RBFOX1: variants seen among roughly 807,000 people sequenced by gnomAD.
RBFOX1 encodes the protein RNA binding protein fox-1 homolog 1.
Under a neutral mutation model 57.7 loss-of-function variants are expected in RBFOX1, and 8 were observed. The ratio of observed to expected loss-of-function variants is 0.14; its 90% confidence interval spans 0.08 to 0.25. RBFOX1 has a LOEUF of 0.25. RBFOX1 is among the 10% of genes least tolerant of loss of function. The pLI, the probability that RBFOX1 is intolerant of heterozygous loss-of-function variation, is 1.00. For synonymous variants in RBFOX1, 326 were observed against 222.4 expected (o/e 1.47, Z -4.15); for missense variants, 611 against 548.5 (o/e 1.11, Z -1.14).
chr16:6,993,902 C>T (rs997452836), intron 3 of RBFOX1, among the ~76,000 whole-genome samples: 1 of 152,120 alleles, frequency 6.6e-6, no homozygotes, highest in Admixed American at 6.6e-5. Context: ...TAATGTATCT[C>T]ATATTGTATT....
At chr16:7,517,816 G>C (rs1053669973) in intron 4 of RBFOX1, among the ~76,000 whole-genome samples, 2 of 132,196 alleles carry the variant, frequency 1.5e-5, no homozygotes, top group Non-Finnish European at 3.1e-5. Context: ...AAATAAAAAG[G>C]ATCTGCCAAA....
chr16:5,779,197 C>A (rs532169062), intron 3 of RBFOX1, among the ~76,000 whole-genome samples: 20 of 152,304 alleles, frequency 1.3e-4, no homozygotes, highest in African/African-American at 4.8e-4. Flanking sequence ...TTCCTTCCCC[C>A]CTCACGTCGT....
intron 3 of RBFOX1, among the ~76,000 whole-genome samples, chr16:6,973,650 C>G (rs1353612845): frequency 2.6e-5 from 4 of 151,992 alleles, no homozygotes; most frequent in Non-Finnish European, 4.4e-5. Context: ...TAAAGCTGGA[C>G]CATTGACTGA....
chr16:6,468,196 A>G (rs756554663), intron 2 of RBFOX1, among the ~76,000 whole-genome samples: 2 of 152,132 alleles, frequency 1.3e-5, no homozygotes, highest in Non-Finnish European at 2.9e-5. Context: ...AATGGTTAGG[A>G]ACATTGGAGA....
intron 4 of RBFOX1, among the ~76,000 whole-genome samples, chr16:7,455,208 G>T (rs1206996520): frequency 2.0e-5 from 3 of 152,172 alleles, no homozygotes; most frequent in African/African-American, 7.2e-5. Context: ...CCTACCAAAT[G>T]CTTTGGTTCT....
At chr16:7,411,937 C>A (rs866047758) in intron 4 of RBFOX1, among the ~76,000 whole-genome samples, 49 of 147,136 alleles carry the variant, frequency 3.3e-4, no homozygotes, top group Middle Eastern at 7.1e-3. Context: ...TAGGGAAAAT[C>A]TGAGAAACTA....
intron 13 of RBFOX1, among the ~76,000 whole-genome samples, chr16:7,675,427 T>C (rs550208578): frequency 6.6e-6 from 1 of 150,996 alleles, no homozygotes; most frequent in African/African-American, 2.4e-5. Flanking sequence ...AAAAAACTGG[T>C]TCTAAATTAT....
chr16:7,528,939 T>G (rs149075325), intron 5 of RBFOX1, among the ~76,000 whole-genome samples: 2 of 152,266 alleles, frequency 1.3e-5, no homozygotes, highest in Non-Finnish European at 2.9e-5. Context: ...GTTGCACATA[T>G]TTAAAAAGAT....
chr16:7,420,939 A>G (rs562199330), intron 4 of RBFOX1, among the ~76,000 whole-genome samples: 133 of 137,378 alleles, frequency 9.7e-4, no homozygotes, highest in Non-Finnish European at 1.7e-3. Context: ...ATATATATAT[A>G]CACACACACA....
intron 3 of RBFOX1, among the ~76,000 whole-genome samples, chr16:5,677,717 C>T (rs574410139): frequency 2.0e-5 from 3 of 152,300 alleles, no homozygotes; most frequent in Admixed American, 2.0e-4. Flanking sequence ...AAACACATTT[C>T]TCTGAATTCA....
At chr16:7,268,752 G>A (rs938749949) in intron 4 of RBFOX1, among the ~76,000 whole-genome samples, 1 of 151,962 alleles carries the variant, frequency 6.6e-6, no homozygotes, top group African/African-American at 2.4e-5. Context: ...AATCCATCTC[G>A]GCTGGGCACA....
rs531561262 is a variant in RBFOX1 at position 6,517,348 on chromosome 16, A to C, written c.-63-137255A>C. On this transcript the variant is annotated intron_variant, in intron 2 of 15. Coordinates refer to ENST00000550418, the MANE Select transcript of RBFOX1 (RefSeq NM_018723.4). ...CAAGGTTGCATCCTGATCCGAATAC[A>C]TCTGTGTTTGGGGCAAAACTGGAGG... is the stretch of plus-strand genomic sequence containing the variant. Among the ~76,000 whole-genome samples the C allele has an allele frequency of 3.9e-4, 59 of 152,310 alleles. No homozygotes were observed. The South Asian group carries it at 0.012, about 30-fold the overall frequency.
intron 3 of RBFOX1, among the ~76,000 whole-genome samples, chr16:5,715,534 G>T (rs1168529729): frequency 1.3e-5 from 2 of 152,222 alleles, no homozygotes; most frequent in African/African-American, 4.8e-5. Flanking sequence ...AAGTCCAGTT[G>T]ACTGATCTCT....
chr16:6,159,214 C>G (rs1444762612), intron 1 of RBFOX1, among the ~76,000 whole-genome samples: 1 of 151,950 alleles, frequency 6.6e-6, no homozygotes, highest in Non-Finnish European at 1.5e-5. Context: ...GTAGATGGGT[C>G]TATAGACGCA....
intron 1 of RBFOX1, among the ~76,000 whole-genome samples, chr16:6,102,293 A>G (rs888541359): frequency 6.6e-6 from 1 of 151,964 alleles, no homozygotes; most frequent in East Asian, 1.9e-4. Context: ...CTTCTTAGAA[A>G]GAATGTTGTG....
intron 4 of RBFOX1, among the ~76,000 whole-genome samples, chr16:7,196,279 G>C (rs944770689): frequency 6.6e-6 from 1 of 151,980 alleles, no homozygotes; most frequent in South Asian, 2.1e-4. Flanking sequence ...TCTTGTTATC[G>C]ACTGTGTTAT....
intron 3 of RBFOX1, among the ~76,000 whole-genome samples, chr16:5,612,873 T>C (rs2047874564): frequency 6.6e-6 from 1 of 152,204 alleles, no homozygotes; most frequent in Admixed American, 6.5e-5. Context: ...TTTGGGGTTC[T>C]TTTTCCTAAC....
chr16:6,915,927 C>T (rs1361506027), intron 3 of RBFOX1, among the ~76,000 whole-genome samples: 2 of 152,212 alleles, frequency 1.3e-5, no homozygotes, highest in South Asian at 2.1e-4. Context: ...GCAAAGTGGT[C>T]CCCAAATGCT....
chr16:6,134,923 C>T (rs145629958), intron 1 of RBFOX1, among the ~76,000 whole-genome samples: 4 of 152,020 alleles, frequency 2.6e-5, no homozygotes, highest in African/African-American at 4.8e-5. Context: ...TATGCATGTG[C>T]CATGTTGGTG....
Sources: gnomAD v4.1 joint callset for allele counts (sites outside exome capture counted in the v4.1 genomes callset) on GRCh38, gnomAD v4.1.1 for gene constraint, MANE v1.5 for transcripts, NCBI Gene and HGNC (gene_info 2026-07-23, HGNC 2026-07-21) for gene names.